Variants in KDM6A observed in about 807,000 individuals in gnomAD.
KDM6A encodes the protein lysine demethylase 6A.
KDM6A carries 11 observed loss-of-function variants against 117.6 expected under a neutral mutation model. That is an observed-to-expected ratio of 0.09 (90% CI 0.06 to 0.15). The LOEUF (loss-of-function observed/expected upper bound fraction) is 0.15, where lower values mean the gene tolerates loss of function less well. Among genes scored for constraint, KDM6A ranks in the 10% least tolerant of loss-of-function variants. The probability of loss-of-function intolerance (pLI) is 1.00; values close to 1 mark genes in which losing one functional copy is unlikely to be tolerated. For synonymous variants in KDM6A, 384 were observed against 396.1 expected, an observed-to-expected ratio of 0.97 and a Z score of 0.36; for missense variants, 799 against 1,077.3, an observed-to-expected ratio of 0.74 and a Z score of 3.62.
At chrX:44,935,890 G>T (rs1181262799) in intron 2 of KDM6A, among the ~76,000 whole-genome samples, 1 of 111,843 alleles carries the variant, frequency 8.9e-6, no homozygotes, top group East Asian at 2.8e-4. Flanking sequence ...CCTTGCTCTT[G>T]CAGGATTCCT....
At chrX:45,053,130 G>A (rs2043929974) in intron 9 of KDM6A, among the ~76,000 whole-genome samples, 1 of 111,601 alleles carries the variant, frequency 9.0e-6, no homozygotes, top group Admixed American at 9.5e-5. Context: ...TTGTTAATGG[G>A]ATATCTTGGA....
intron 4 of KDM6A, among the ~76,000 whole-genome samples, chrX:45,003,183 T>C (rs2041236065): frequency 9.1e-6 from 1 of 109,948 alleles, no homozygotes; most frequent in South Asian, 3.9e-4. Flanking sequence ...CTAATTCTGC[T>C]TGTACAAGAG....
chrX:45,045,004 CTAAA>C (rs2043465372), intron 8 of KDM6A, among the ~76,000 whole-genome samples: 1 of 110,987 alleles, frequency 9.0e-6, no homozygotes. Context: ...TCCAAGAACT[CTAAA>C]TAAAGAAAAA....
chrX:45,088,979 T>TC (rs2045774032), intron 25 of KDM6A, among the ~76,000 whole-genome samples: 1 of 111,950 alleles, frequency 8.9e-6, no homozygotes, highest in African/African-American at 3.3e-5. Context: ...TGACATCCAG[T>TC]CTCCTTTTCC....
chrX:45,037,666 A>G lies in KDM6A; in HGVS notation c.631A>G (p.Ile211Val). The change falls in exon 8 of 30, where the codon ATT becomes GTT. Residue 211 changes from isoleucine to valine, a missense_variant. Ile to Val is a conservative substitution (Grantham distance 29). This residue lies in a region of KDM6A where 63 missense variants were observed against 68.2 expected (regional missense o/e 0.92). Transcript: ENST00000611820. ...CTCATCCTTTGCAGTTCAATTTCAC[A>G]TTGCCCACTTATATGAAACCCAGGT... ...TLSNAEIQFHIAHLYETQRKY... is the reference protein window; with the variant it reads ...TLSNAEIQFHVAHLYETQRKY... 1 of 1,206,284 alleles carries G rather than the reference A, an allele frequency of 8.3e-7. No individual in the cohort carries two copies. Among genetic ancestry groups the G allele is most frequent in the African/African-American group, 1.7e-5 (1 of 57,727 alleles).
At chrX:44,896,810 T>G (rs1004264201) in intron 2 of KDM6A, among the ~76,000 whole-genome samples, 1 of 110,626 alleles carries the variant, frequency 9.0e-6, no homozygotes, top group Non-Finnish European at 1.9e-5. Context: ...TGCTATTTTT[T>G]TTTTTCCTGT....
At chrX:44,879,023 A>G (rs1341384222) in intron 2 of KDM6A, among the ~76,000 whole-genome samples, 1 of 111,558 alleles carries the variant, frequency 9.0e-6, no homozygotes, top group Non-Finnish European at 1.9e-5. Flanking sequence ...CACCTGGCCA[A>G]TATCTTAAGC....
Position 45,034,883 on chromosome X carries a change from G to A in KDM6A, c.565-48G>A, listed in dbSNP as rs772497139. On this transcript the variant is annotated intron_variant, in intron 6 of 29. Coordinates refer to ENST00000611820, the MANE Select transcript of KDM6A (RefSeq NM_001291415.2). Reference sequence around the variant, plus strand: ...CTGAAAAGTATCTTAAGATGCTTTTGTGTGACTCTAAATTGACTGCATTAA... The same window carrying A: ...CTGAAAAGTATCTTAAGATGCTTTTATGTGACTCTAAATTGACTGCATTAA... The A allele has an allele frequency of 3.9e-6, 4 of 1,035,252 alleles. No homozygotes were observed. In the East Asian group the frequency reaches 1.2e-4, roughly 31 times the overall value. The allele number at this position is 1,035,252 out of a possible 1,213,427, so 85.3% of individuals were successfully genotyped here.
chrX:45,033,719 A>G (rs1285062804), intron 6 of KDM6A, among the ~76,000 whole-genome samples: 1 of 109,826 alleles, frequency 9.1e-6, no homozygotes, highest in East Asian at 2.8e-4. Flanking sequence ...ATGAACGGCT[A>G]ATTTTTTATT....
intron 23 of KDM6A, among the ~76,000 whole-genome samples, chrX:45,083,139 CT>C (rs2045494505): frequency 9.2e-6 from 1 of 108,688 alleles, no homozygotes; most frequent in Admixed American, 9.9e-5. Context: ...CATCAAGACT[CT>C]GACTATATGC....
intron 4 of KDM6A, among the ~76,000 whole-genome samples, chrX:44,994,572 G>T: frequency 8.9e-6 from 1 of 112,140 alleles, no homozygotes; most frequent in Non-Finnish European, 1.9e-5. Context: ...ATGAATATGG[G>T]AGTATAGATG....
In KDM6A at chrX:45,111,562, C is replaced by T. The variant is rs189581367; in HGVS notation, c.*151C>T. 1.1e-4 allele frequency: 57 copies of T among 513,957 alleles called. No individual in the cohort carries two copies. The East Asian group carries it at 1.7e-3, about 15-fold the overall frequency. The allele number at this position is 513,957 out of a possible 1,213,427, so 42.4% of individuals were successfully genotyped here. Reference sequence around the variant, plus strand: ...AAGTGCGGAGTGTCAACCAACTGGACGGGAGAGAGTACTGCTCCTACTCCA... The same window carrying T: ...AAGTGCGGAGTGTCAACCAACTGGATGGGAGAGAGTACTGCTCCTACTCCA... On this transcript the variant is annotated 3_prime_UTR_variant, in exon 30 of 30. Coordinates refer to ENST00000611820, the MANE Select transcript of KDM6A (RefSeq NM_001291415.2).
chrX:45,085,684 A>G (rs2045613211), intron 24 of KDM6A, among the ~76,000 whole-genome samples, 181 bp from the exon 25 acceptor site: 1 of 111,981 alleles, frequency 8.9e-6, no homozygotes, highest in Non-Finnish European at 1.9e-5. Flanking sequence ...CAAAAATGCT[A>G]CAGTGATGAA....
intron 8 of KDM6A, among the ~76,000 whole-genome samples, chrX:45,051,342 C>T (rs1008695346): frequency 9.0e-6 from 1 of 111,722 alleles, no homozygotes; most frequent in African/African-American, 3.3e-5. Context: ...TGCTTGGGAG[C>T]TCAGTGTTTC....
intron 4 of KDM6A, among the ~76,000 whole-genome samples, chrX:44,997,453 G>A (rs1207848256): frequency 9.0e-6 from 1 of 111,401 alleles, no homozygotes; most frequent in Non-Finnish European, 1.9e-5. Context: ...ACATCCTCTC[G>A]ATGTCCAGCC....
At chrX:45,078,215 A>G (rs1258251684) in intron 19 of KDM6A, among the ~76,000 whole-genome samples, 185 bp from the exon 20 acceptor site, 3 of 112,421 alleles carry the variant, frequency 2.7e-5, no homozygotes, top group Admixed American at 1.9e-4. Flanking sequence ...GGAGAAATGT[A>G]TGTGGTTACT....
rs1244962914 is a variant in KDM6A at position 44,924,683 on chromosome X, GTGTGTGTC to G, written c.226-36599_226-36592del. Among the ~76,000 whole-genome samples, 7 of 109,677 alleles carry G rather than the reference GTGTGTGTC, an allele frequency of 6.4e-5. No homozygotes were observed. In the East Asian group the frequency reaches 1.7e-3, roughly 27 times the overall value. ...TGTGTGTGTGTGTGTGTGTGTGTGT[GTGTGTGTC>G]TATGTATTTATTTATTTATTGAAAC... On this transcript the variant is annotated intron_variant, in intron 2 of 29. Transcript: ENST00000611820.
intron 2 of KDM6A, among the ~76,000 whole-genome samples, chrX:44,879,326 G>A (rs892841915): frequency 3.6e-5 from 4 of 112,091 alleles, no homozygotes; most frequent in African/African-American, 1.3e-4. Flanking sequence ...TTTGAAATGT[G>A]TTATCTAGAG....
chrX:45,067,834 T>TA lies in KDM6A; in HGVS notation c.2080-1744dup, dbSNP rs1249049795. ...TGCCCGGCTAATTTTTGTATTTTAA[T>TA]AGAGACAGGGCTTCACCATGTTGAC... On this transcript the variant is annotated intron_variant, in intron 17 of 29. Coordinates refer to ENST00000611820, the MANE Select transcript of KDM6A (RefSeq NM_001291415.2). Among the ~76,000 whole-genome samples, 9 of 109,836 alleles carry TA rather than the reference T, an allele frequency of 8.2e-5. No homozygotes were observed. The South Asian group carries it at 3.1e-3, about 38-fold the overall frequency.
Sources: gnomAD v4.1 joint callset for allele counts (sites outside exome capture counted in the v4.1 genomes callset) on GRCh38, gnomAD v4.1.1 for gene constraint, gnomAD v4.1.1 regional missense constraint, MANE v1.5 for transcripts, NCBI Gene and HGNC (gene_info 2026-07-23, HGNC 2026-07-21) for gene names.